Variants in ARF3 observed in about 807,000 individuals in gnomAD.
ARF3 encodes the protein ADP-ribosylation factor 3.
A neutral mutation model predicts 19.3 loss-of-function variants in ARF3; 5 were observed. The ratio of observed to expected loss-of-function variants is 0.26; its 90% CI spans 0.14 to 0.54. The LOEUF (loss-of-function observed/expected upper bound fraction) is 0.54, where lower values mean the gene tolerates loss of function less well. Among genes scored for constraint, ARF3 ranks in the 20% least tolerant of loss-of-function variants. ARF3 has a pLI of 0.95. For synonymous variants in ARF3, 71 were observed against 89.2 expected, an observed-to-expected ratio of 0.80 and a Z score of 1.15; for missense variants, 77 against 234.2, an observed-to-expected ratio of 0.33 and a Z score of 4.38.
At position 48,939,795 on chromosome 12, in the gene ARF3, A is replaced by G. The variant is rs763801437; in HGVS notation, c.260-16T>C. On this transcript the variant is annotated splice_polypyrimidine_tract_variant and intron_variant, in intron 3 of 4. Transcript: ENST00000256682. This position sits in a 1 kb window ranked among gnomAD's most constrained non-coding sequence, Gnocchi z 4.8. ...AATATCAACCCTAGGAAGGCAGAGC[A>G]TGGGCTGCACTAAGATGACAGGTAA... 4 of 1,613,880 alleles carry G rather than the reference A, an allele frequency of 2.5e-6. No individual in the cohort carries two copies. Among genetic ancestry groups the G allele is most frequent in the Non-Finnish European group, 2.5e-6 (3 of 1,179,928 alleles).
intron 1 of ARF3, chr12:48,957,043 A>AC (rs1940582920): frequency 6.6e-6 from 1 of 152,142 alleles, no homozygotes; most frequent in Admixed American, 6.6e-5. Context: ...CGACAACCTA[A>AC]CTGCAGCCCA....
chr12:48,942,244 C>CTT lies in ARF3; in HGVS notation c.-93-1058_-93-1057dup, dbSNP rs780786823. On this transcript the variant is annotated intron_variant, in intron 1 of 4. Coordinates refer to ENST00000256682, the MANE Select transcript of ARF3 (RefSeq NM_001659.3). Reference sequence around the variant, plus strand: ...AACACTTTCCTTTCCTGCCTCAAAGCTTTTTTTTTTTTTTTTTAAAGAGGC... The same window carrying CTT: ...AACACTTTCCTTTCCTGCCTCAAAGCTTTTTTTTTTTTTTTTTTTAAAGAGGC... Among the ~76,000 whole-genome samples, 393 of 136,738 alleles carry CTT rather than the reference C, an allele frequency of 2.9e-3. 2 individuals are homozygous for CTT. The highest frequency in any genetic ancestry group is 3.6e-3 in the African/African-American group (134 of 37,154). 89.7% of individuals were successfully genotyped at this position (136,738 alleles called of 152,430 possible).
chr12:48,941,665 T>C (rs1046562437), intron 1 of ARF3: 1 of 152,220 alleles, frequency 6.6e-6, no homozygotes, highest in Non-Finnish European at 1.5e-5. Flanking sequence ...TTCCCAAGGT[T>C]TATGCTTTCT....
Position 48,940,126 on chromosome 12 carries a change from C to A in ARF3, c.149-19G>T. The A allele has an allele frequency of 6.2e-7, 1 of 1,603,754 alleles. No homozygotes were observed. The highest frequency in any genetic ancestry group is 1.3e-5 in the African/African-American group (1 of 74,864). ...TTGAACCCTTTGGAAAAAAAACAGG[C>A]AATGGCCACTTGGCCTCAAACACTA... On this transcript the variant is annotated intron_variant, in intron 2 of 4. Coordinates refer to ENST00000256682, the MANE Select transcript of ARF3 (RefSeq NM_001659.3).
chr12:48,942,876 G>A (rs1012767947), intron 1 of ARF3, among the ~76,000 whole-genome samples: 1 of 152,200 alleles, frequency 6.6e-6, no homozygotes, highest in African/African-American at 2.4e-5. Context: ...GGAGGCCCAG[G>A]CGGGTGGATC....
chr12:48,943,853 G>C (rs745982455), intron 1 of ARF3, among the ~76,000 whole-genome samples: 4 of 152,156 alleles, frequency 2.6e-5, no homozygotes, highest in Non-Finnish European at 5.9e-5. Flanking sequence ...CCAGGAAGAA[G>C]GGCTAGCTCA....
intron 1 of ARF3, among the ~76,000 whole-genome samples, chr12:48,942,017 C>T (rs1940267557): frequency 6.6e-6 from 1 of 152,170 alleles, no homozygotes; most frequent in African/African-American, 2.4e-5. Context: ...GGCCTATTCT[C>T]CATATAGCAT....
chr12:48,944,999 A>G (rs12312900), intron 1 of ARF3, among the ~76,000 whole-genome samples: 141 of 150,450 alleles, frequency 9.4e-4, no homozygotes, highest in African/African-American at 3.1e-3. Context: ...AAAATATAAA[A>G]ATTAGCTGGG....
intron 1 of ARF3, among the ~76,000 whole-genome samples, chr12:48,950,518 T>C (rs780134164): frequency 2.9e-4 from 44 of 152,080 alleles, no homozygotes; most frequent in Non-Finnish European, 5.9e-4. Context: ...TAGTAAAATA[T>C]ACACAAAATT....
intron 1 of ARF3, among the ~76,000 whole-genome samples, chr12:48,947,641 G>A (rs1940382641): frequency 6.6e-6 from 1 of 152,122 alleles, no homozygotes; most frequent in Admixed American, 6.6e-5. Flanking sequence ...TACTGAACTA[G>A]GGATACAGAG....
chr12:48,953,008 G>A (rs1020588927), intron 1 of ARF3: 3 of 152,196 alleles, frequency 2.0e-5, no homozygotes, highest in African/African-American at 7.2e-5. Flanking sequence ...ATACCATGAT[G>A]AGAAAAAGGC....
Position 48,939,007 on chromosome 12 carries a change from G to A in ARF3, c.486C>T (p.Ser162=), listed in dbSNP as rs768112626. 24 of 1,613,358 alleles carry A rather than the reference G, an allele frequency of 1.5e-5. 1 individual carries two copies. The highest frequency in any genetic ancestry group is 4.4e-5 in the South Asian group (4 of 91,040). Residue 162 remains serine, a synonymous_variant, in exon 5 of 5, where the codon AGC becomes AGT. Coordinates refer to ENST00000256682, the MANE Select transcript of ARF3 (RefSeq NM_001659.3). The surrounding 1 kb of genome is among the most constrained non-coding windows in gnomAD (Gnocchi z 4.8). ...CCAGGCCTTCGTACAGCCCGTCCCC[G>A]CTGGTGGCACAGGTGGCCTGAATGT... ...NWYIQATCAT[S]GDGLYEGLDW...
chr12:48,953,157 G>A (rs1940497712), intron 1 of ARF3: 1 of 152,200 alleles, frequency 6.6e-6, no homozygotes, highest in Admixed American at 6.5e-5. Context: ...GTTCTACTGA[G>A]GGTGGCAAAA....
rs555015733 is a variant in ARF3, at chr12:48,948,037, C to T, written c.-93-6849G>A. On this transcript the variant is annotated intron_variant, in intron 1 of 4. Transcript: ENST00000256682. ...CCTGGGCAACATGGCAAAAGCCCAT[C>T]GCTACAAAAAAAAAAAAAAAAGCTG... Among the ~76,000 whole-genome samples the T allele has an allele frequency of 3.4e-5, 5 of 145,344 alleles. No individual in the cohort carries two copies. In the East Asian group the frequency reaches 6.0e-4, roughly 17 times the overall value.
In ARF3 at chr12:48,941,105, A is replaced by T; in HGVS notation, c.-10T>A. 1 of 1,608,210 alleles carries T rather than the reference A, an allele frequency of 6.2e-7. No homozygotes were observed. The highest frequency in any genetic ancestry group is 1.1e-5 in the South Asian group (1 of 90,324). Reference sequence around the variant, plus strand: ...CAAAGATATTGCCCATGATCACAGCAGCTGCTTTCTGGGGACAGTGGGGCC... The same window carrying T: ...CAAAGATATTGCCCATGATCACAGCTGCTGCTTTCTGGGGACAGTGGGGCC... On this transcript the variant is annotated 5_prime_UTR_variant, in exon 2 of 5. Transcript: ENST00000256682.
intron 1 of ARF3, among the ~76,000 whole-genome samples, chr12:48,951,726 T>C (rs986895826): frequency 6.6e-6 from 1 of 151,554 alleles, no homozygotes; most frequent in Non-Finnish European, 1.5e-5. Context: ...CTAAAAGTAC[T>C]AAATTAGCCA....
chr12:48,947,432 G>A (rs955566430), intron 1 of ARF3, among the ~76,000 whole-genome samples: 28 of 151,458 alleles, frequency 1.8e-4, no homozygotes, highest in African/African-American at 6.1e-4. Context: ...TCAGCCTCCC[G>A]AGTAGATGGG....
At position 48,951,802 on chromosome 12, in the gene ARF3, C is replaced by T. The variant is rs1414208693; in HGVS notation, c.-94+5508G>A. 2.6e-5 allele frequency among the ~76,000 whole-genome samples: 4 copies of T among 151,748 alleles called. No individual in the cohort carries two copies. In the East Asian group the frequency reaches 7.7e-4, roughly 29 times the overall value. On this transcript the variant is annotated intron_variant, in intron 1 of 4. Coordinates refer to ENST00000256682, the MANE Select transcript of ARF3 (RefSeq NM_001659.3). Reference sequence around the variant, plus strand: ...GCTGAGGCAGGAGAATGGTTTGAACCTGCGAGGTGGAGGCTGCTGTGAGCC... The same window carrying T: ...GCTGAGGCAGGAGAATGGTTTGAACTTGCGAGGTGGAGGCTGCTGTGAGCC...
intron 1 of ARF3, among the ~76,000 whole-genome samples, chr12:48,948,066 G>A (rs1483458131): frequency 6.6e-6 from 1 of 151,396 alleles, no homozygotes; most frequent in Non-Finnish European, 1.5e-5. Context: ...AAAGCTGGGT[G>A]TGGTGGTGCA....
Sources: allele counts gnomAD v4.1 joint callset (sites outside exome capture counted in the v4.1 genomes callset), GRCh38; gene constraint gnomAD v4.1.1; non-coding constraint Gnocchi (gnomAD v3.1); transcripts MANE v1.5; gene names NCBI Gene and HGNC (gene_info 2026-07-23, HGNC 2026-07-21).